ANKHD1: variants seen among roughly 807,000 people sequenced by gnomAD.
ANKHD1 encodes ankyrin repeat and KH domain-containing protein 1.
ANKHD1 carries 31 observed loss-of-function variants against 230.5 expected under a neutral mutation model. The ratio of observed to expected loss-of-function variants is 0.13; its 90% CI spans 0.10 to 0.18. The LOEUF (loss-of-function observed/expected upper bound fraction) is 0.18. Ranked by LOEUF, ANKHD1 falls within the 10% of genes least tolerant of loss-of-function variation. The pLI, the probability that ANKHD1 is intolerant of heterozygous loss-of-function variation, is 1.00. For synonymous variants in ANKHD1, 1,074 were observed against 1,117.6 expected, an observed-to-expected ratio of 0.96 and a Z score of 0.78; for missense variants, 2,256 against 3,071.3, an observed-to-expected ratio of 0.73 and a Z score of 6.27.
intron 13 of ANKHD1, chr5:140,486,053 C>CTTTTTCT: frequency 8.0e-6 from 2 of 249,552 alleles, no homozygotes; most frequent in Non-Finnish European, 1.5e-5. Flanking sequence ...CAAGAGAAAG[C>CTTTTTCT]TTTTTCTTTT....
At chr5:140,533,775 CAAA>C (rs1167136822) in intron 29 of ANKHD1, among the ~76,000 whole-genome samples, 51 of 29,652 alleles carry the variant, frequency 1.7e-3, no homozygotes, top group African/African-American at 5.3e-3. Flanking sequence ...GACCCTGTCT[CAAA>C]AAAAAAAAAA....
At chr5:140,477,198 C>T (rs997439307) in intron 10 of ANKHD1, among the ~76,000 whole-genome samples, 1 of 152,116 alleles carries the variant, frequency 6.6e-6, no homozygotes. Flanking sequence ...GAAATGAATA[C>T]TCCTCCAACT....
intron 9 of ANKHD1, among the ~76,000 whole-genome samples, chr5:140,460,197 T>A (rs548536986): frequency 9.8e-5 from 15 of 152,290 alleles, no homozygotes; most frequent in African/African-American, 3.6e-4. Flanking sequence ...TTAAAAATAT[T>A]TGTGCTTTAT....
chr5:140,414,698 T>G (rs1561682793), intron 1 of ANKHD1, among the ~76,000 whole-genome samples: 1 of 152,032 alleles, frequency 6.6e-6, no homozygotes, highest in East Asian at 1.9e-4. Flanking sequence ...CCAGGCATGG[T>G]GGCACATGCC....
Position 140,527,471 on chromosome 5 carries a change from G to C in ANKHD1, c.5087+397G>C, listed in dbSNP as rs548321602. On this transcript the variant is annotated intron_variant, in intron 27 of 33. Coordinates refer to ENST00000360839, the MANE Select transcript of ANKHD1 (RefSeq NM_017747.3). The surrounding 1 kb of genome is among the most constrained non-coding windows in gnomAD (Gnocchi z 4.5). ...TTGCTAAGTATGAGCTGTTGATACT[G>C]GTTTAAAATGAATATGCTAGCATAG... 40 of 209,380 alleles carry C rather than the reference G, an allele frequency of 1.9e-4. 1 individual carries two copies. 13.0% of individuals were successfully genotyped at this position (209,380 alleles called of 1,614,324 possible).
intron 9 of ANKHD1, among the ~76,000 whole-genome samples, chr5:140,463,289 A>G (rs1775851971): frequency 1.3e-5 from 2 of 152,160 alleles, no homozygotes; most frequent in Non-Finnish European, 2.9e-5. Flanking sequence ...TTGGTCAGTA[A>G]GGTTAGCTCC....
chr5:140,504,974 G>C lies in ANKHD1; in HGVS notation c.3150+8G>C. On this transcript the variant is annotated splice_region_variant and intron_variant, in intron 16 of 33. Transcript: ENST00000360839. The stretch of plus-strand genomic sequence containing the variant: ...GTTGACATTGATGCACATGTGAGTA[G>C]ATTGCTTTATTTAAACTTATTTTGC... 1 of 1,612,970 alleles carries C rather than the reference G, an allele frequency of 6.2e-7. No individual in the cohort carries two copies. Among genetic ancestry groups the C allele is most frequent in the Non-Finnish European group, 8.5e-7 (1 of 1,179,732 alleles).
chr5:140,444,471 AG>A (rs1464446099), intron 5 of ANKHD1, among the ~76,000 whole-genome samples: 2 of 152,196 alleles, frequency 1.3e-5, no homozygotes, highest in Non-Finnish European at 2.9e-5. Flanking sequence ...CAAAGCAGTC[AG>A]TCTCAGGAGA....
chr5:140,505,834 C>A lies in ANKHD1; in HGVS notation c.3373C>A (p.Pro1125Thr). ...EAQSERTKDT[P>T]LSLACSGGRQ... ...ACAGTCTGAACGAACTAAGGATACT[C>A]CGCTTTCATTGGCATGTTCTGGTGG... is the stretch of plus-strand genomic sequence containing the variant. Residue 1125 changes from proline (P) to threonine (T), a missense_variant, in exon 18 of 34, where the codon CCG (proline) becomes ACG (threonine). Physicochemically the swap from Pro to Thr is conservative, Grantham distance 38. Transcript: ENST00000360839. 1 of 1,604,256 alleles carries A rather than the reference C, an allele frequency of 6.2e-7. No homozygotes were observed. The highest frequency in any genetic ancestry group is 1.1e-5 in the South Asian group (1 of 89,104).
At chr5:140,418,905 A>G (rs918649066) in intron 1 of ANKHD1, among the ~76,000 whole-genome samples, 4 of 151,888 alleles carry the variant, frequency 2.6e-5, no homozygotes, top group Non-Finnish European at 5.9e-5. Flanking sequence ...TAATTTTTGT[A>G]TTTTTAGTAG....
In ANKHD1 at chr5:140,458,850, C is replaced by A; in HGVS notation, c.1468C>A (p.Leu490Ile). 1 of 1,610,818 alleles carries A rather than the reference C, an allele frequency of 6.2e-7. No individual in the cohort carries two copies. Among genetic ancestry groups the A allele is most frequent in the Non-Finnish European group, 8.5e-7 (1 of 1,178,618 alleles). Residue 490 changes from leucine to isoleucine, a missense_variant, in exon 8 of 34, where the codon CTC becomes ATC. Transcript: ENST00000360839. ...REGHEEMVAL[L>I]LAQGANINAQ... ...AGGACATGAAGAAATGGTGGCACTA[C>A]TCTTAGCACAAGGTAAAGCAGTTTT...
chr5:140,459,492 G>A (rs1387483317), intron 9 of ANKHD1, 137 bp downstream of exon 9: 1 of 1,131,872 alleles, frequency 8.8e-7, no homozygotes, highest in African/African-American at 1.6e-5. Context: ...GGTGGGAGGA[G>A]AGTACACAAG....
chr5:140,520,155 G>A (rs1201405977), intron 24 of ANKHD1, among the ~76,000 whole-genome samples: 1 of 152,088 alleles, frequency 6.6e-6, no homozygotes, highest in Non-Finnish European at 1.5e-5. Context: ...AGACATTTAT[G>A]CAGCCAAAAA....
At chr5:140,457,693 A>G (rs1775314496) in intron 7 of ANKHD1, among the ~76,000 whole-genome samples, 1 of 151,920 alleles carries the variant, frequency 6.6e-6, no homozygotes, top group African/African-American at 2.4e-5. Context: ...ATCACACACC[A>G]GGGCCTGTTG....
intron 6 of ANKHD1, among the ~76,000 whole-genome samples, chr5:140,448,242 C>G (rs1407484756): frequency 2.6e-5 from 4 of 152,168 alleles, no homozygotes; most frequent in African/African-American, 9.7e-5. Flanking sequence ...AGGGAACTAG[C>G]AGTCTCTGCC....
At chr5:140,520,793 G>T (rs919714222) in intron 24 of ANKHD1, among the ~76,000 whole-genome samples, 1 of 119,542 alleles carries the variant, frequency 8.4e-6, no homozygotes, top group African/African-American at 3.0e-5. Context: ...GTGGGGGGGA[G>T]GGGGGAGGGA....
At chr5:140,514,458 C>T (rs922419411) in intron 24 of ANKHD1, among the ~76,000 whole-genome samples, 20 of 152,072 alleles carry the variant, frequency 1.3e-4, no homozygotes, top group Non-Finnish European at 2.4e-4. Flanking sequence ...TGTGCCACTG[C>T]GCTCTAGCCT....
intron 14 of ANKHD1, among the ~76,000 whole-genome samples, chr5:140,495,332 G>A (rs1447553615): frequency 6.7e-6 from 1 of 148,458 alleles, no homozygotes; most frequent in East Asian, 2.0e-4. Context: ...TGCAAGCTCC[G>A]CCTCCCGGGT....
chr5:140,414,924 A>G (rs912235834), intron 1 of ANKHD1, among the ~76,000 whole-genome samples: 4 of 152,112 alleles, frequency 2.6e-5, no homozygotes, highest in Non-Finnish European at 5.9e-5. Flanking sequence ...CCCTTATCAG[A>G]TACATAATTA....
Sources: allele counts gnomAD v4.1 joint callset (sites outside exome capture counted in the v4.1 genomes callset), GRCh38; gene constraint gnomAD v4.1.1; non-coding constraint Gnocchi (gnomAD v3.1); transcripts MANE v1.5; gene names NCBI Gene and HGNC (gene_info 2026-07-23, HGNC 2026-07-21).